DCLK1: variants seen among roughly 807,000 people sequenced by gnomAD.
The protein encoded by DCLK1 is doublecortin like kinase 1.
Under a neutral mutation model 86.2 loss-of-function variants are expected in DCLK1, and 16 were observed. That is an observed-to-expected ratio of 0.19 (90% CI 0.13 to 0.28). The LOEUF (loss-of-function observed/expected upper bound fraction) is 0.28, where lower values mean the gene tolerates loss of function less well. Among genes scored for constraint, DCLK1 ranks in the 10% least tolerant of loss-of-function variants. The probability of loss-of-function intolerance (pLI) is 1.00; values close to 1 mark genes in which losing one functional copy is unlikely to be tolerated. For missense variants in DCLK1, 590 were observed against 940.2 expected (o/e 0.63, Z 4.87); for synonymous variants, 369 against 370.5 (o/e 1.00, Z 0.05).
intron 3 of DCLK1, among the ~76,000 whole-genome samples, chr13:36,080,120 T>A (rs1462047762): frequency 6.7e-6 from 1 of 149,362 alleles, no homozygotes; most frequent in Non-Finnish European, 1.5e-5. Context: ...GAAAAAAAAA[T>A]GTCTGTTTCT....
rs5802788 is a variant in DCLK1, at chr13:35,878,793, A to AT, written c.824-7454dup. On this transcript the variant is annotated intron_variant, in intron 4 of 16. Coordinates refer to ENST00000360631, the MANE Select transcript of DCLK1 (RefSeq NM_001330071.2). ...CTTACTATGTAACCATAAAAATTAC[A>AT]TTTTTTTTTTTTGAGATAGTCTTGT... Among the ~76,000 whole-genome samples, 897 of 149,394 alleles carry AT rather than the reference A, an allele frequency of 6.0e-3. 11 individuals carry two copies. The highest frequency in any genetic ancestry group is 0.019 in the African/African-American group (794 of 40,820).
intron 16 of DCLK1, among the ~76,000 whole-genome samples, chr13:35,775,650 AG>A (rs1159776523): frequency 1.8e-4 from 28 of 152,186 alleles, no homozygotes; most frequent in African/African-American, 6.8e-4. Context: ...TAAAAGTTGA[AG>A]GCGTTCTTAT....
At chr13:35,937,450 G>A (rs1876826478) in intron 4 of DCLK1, among the ~76,000 whole-genome samples, 1 of 152,138 alleles carries the variant, frequency 6.6e-6, no homozygotes, top group Non-Finnish European at 1.5e-5. Context: ...GTGAGCAGGA[G>A]AGAAGTCATC....
chr13:36,092,982 ATGGCTT>A (rs1455896379), intron 3 of DCLK1, among the ~76,000 whole-genome samples: 2 of 152,350 alleles, frequency 1.3e-5, no homozygotes, highest in African/African-American at 2.4e-5. Flanking sequence ...AAAGAAAAAA[ATGGCTT>A]TGGAGAGGAA....
At chr13:36,051,169 T>C (rs576025141) in intron 3 of DCLK1, among the ~76,000 whole-genome samples, 96 of 152,276 alleles carry the variant, frequency 6.3e-4, no homozygotes, top group African/African-American at 2.2e-3. Context: ...AAAAGCACCA[T>C]AATCAAAACA....
chr13:35,905,838 CA>C (rs58830720), intron 4 of DCLK1, among the ~76,000 whole-genome samples: 11,533 of 142,246 alleles, frequency 0.081, 1,396 homozygotes, highest in African/African-American at 0.27. Context: ...GGCTCCGTCT[CA>C]AAAAAAAAAA....
chr13:35,773,560 T>C lies in DCLK1; in HGVS notation c.*975A>G, dbSNP rs1020773581. ...GTGTGGATTTCATACTAGATGTAGA[T>C]TGCACAGTGATGACCACAGTGCGTG... On this transcript the variant is annotated 3_prime_UTR_variant, in exon 17 of 17. Transcript: ENST00000360631. 5.3e-5 allele frequency: 8 copies of C among 151,518 alleles called. No individual in the cohort carries two copies. The highest frequency in any genetic ancestry group is 2.7e-4 in the Admixed American group (4 of 15,086). The allele number at this position is 151,518 out of a possible 1,614,324, so 9.4% of individuals were successfully genotyped here.
At chr13:36,110,154 T>C (rs1352101665) in intron 3 of DCLK1, among the ~76,000 whole-genome samples, 1 of 152,156 alleles carries the variant, frequency 6.6e-6, no homozygotes, top group Non-Finnish European at 1.5e-5. Context: ...GAAAATTCAA[T>C]ATATGAAAAT....
chr13:35,830,841 G>T (rs1868900853), intron 8 of DCLK1, among the ~76,000 whole-genome samples: 1 of 152,224 alleles, frequency 6.6e-6, no homozygotes, highest in Admixed American at 6.5e-5. Flanking sequence ...GACCGTGCTG[G>T]TCAGAAGAGA....
At chr13:35,865,010 A>G (rs1871690202) in intron 5 of DCLK1, among the ~76,000 whole-genome samples, 1 of 152,174 alleles carries the variant, frequency 6.6e-6, no homozygotes, top group Non-Finnish European at 1.5e-5. Context: ...AGTTTTAAGG[A>G]GGACTGCAGC....
At chr13:36,080,562 C>T (rs1247395096) in intron 3 of DCLK1, among the ~76,000 whole-genome samples, 1 of 152,166 alleles carries the variant, frequency 6.6e-6, no homozygotes. Flanking sequence ...GGTAGTGCTC[C>T]ATATTGTACT....
chr13:36,084,277 C>T (rs1268163273), intron 3 of DCLK1, among the ~76,000 whole-genome samples: 1 of 152,168 alleles, frequency 6.6e-6, no homozygotes, highest in African/African-American at 2.4e-5. Flanking sequence ...TTCCATTTCC[C>T]TTATCCCCAG....
chr13:36,012,008 T>G (rs1246976605), intron 3 of DCLK1, among the ~76,000 whole-genome samples: 2 of 148,070 alleles, frequency 1.4e-5, no homozygotes, highest in Non-Finnish European at 3.0e-5. Context: ...TTTTGATCTT[T>G]GTTGGTTTAA....
chr13:35,855,611 T>G (rs921563150), intron 5 of DCLK1: 2 of 1,547,830 alleles, frequency 1.3e-6, no homozygotes, highest in Non-Finnish European at 1.8e-6. Flanking sequence ...GAAATGGGAA[T>G]CGGTTGGATG....
chr13:35,962,881 T>A (rs1205337810), intron 3 of DCLK1, among the ~76,000 whole-genome samples: 3 of 152,226 alleles, frequency 2.0e-5, no homozygotes, highest in Non-Finnish European at 2.9e-5. Context: ...GTACAGACCC[T>A]GGATTACCTG....
At chr13:35,918,892 G>GTTGTTTTTTTTTTTTTT (rs1875602272) in intron 4 of DCLK1, among the ~76,000 whole-genome samples, 1 of 76,310 alleles carries the variant, frequency 1.3e-5, no homozygotes, top group Non-Finnish European at 2.5e-5. Flanking sequence ...TTCTGAGTGT[G>GTTGTTTTTTTTTTTTTT]TTTTTTTTTT....
intron 4 of DCLK1, among the ~76,000 whole-genome samples, chr13:35,871,952 CTG>C (rs1872299184): frequency 6.6e-6 from 1 of 152,236 alleles, no homozygotes; most frequent in South Asian, 2.1e-4. Context: ...AGATTTTATA[CTG>C]TGTCTGTGAA....
chr13:36,130,470 C>A (rs1208568957), intron 1 of DCLK1, among the ~76,000 whole-genome samples: 1 of 152,162 alleles, frequency 6.6e-6, no homozygotes, highest in Non-Finnish European at 1.5e-5. Context: ...TTTTGTGGGG[C>A]ATTGCGGGGC....
chr13:36,092,153 C>T lies in DCLK1; in HGVS notation c.723+19716G>A, dbSNP rs554326206. Among the ~76,000 whole-genome samples, 13 of 152,050 alleles carry T rather than the reference C, an allele frequency of 8.5e-5. No homozygotes were observed. In the South Asian group the frequency reaches 2.5e-3, roughly 29 times the overall value. ...TTGACCATATACAACTCCAAATCTG[C>T]TTTATTTTTCTGACCGGAAGACAAC... On this transcript the variant is annotated intron_variant, in intron 3 of 16. Transcript: ENST00000360631.
Sources: allele counts gnomAD v4.1 joint callset (sites outside exome capture counted in the v4.1 genomes callset), GRCh38; gene constraint gnomAD v4.1.1; transcripts MANE v1.5; gene names NCBI Gene and HGNC (gene_info 2026-07-23, HGNC 2026-07-21).